PREX2: variants seen among roughly 807,000 people sequenced by gnomAD.
PREX2 encodes phosphatidylinositol-3,4,5-trisphosphate dependent Rac exchange factor 2.
In PREX2, 107 loss-of-function variants were observed where a neutral mutation model predicts 203.2. The observed-to-expected ratio is 0.53, with a 90% CI of 0.45 to 0.62. The LOEUF (loss-of-function observed/expected upper bound fraction) is 0.62. PREX2 is among the 20% of genes least tolerant of loss of function. The pLI is 0.00. For synonymous variants in PREX2, 672 were observed against 663.6 expected (o/e 1.01, Z -0.19); for missense variants, 1,777 against 1,955.9 (o/e 0.91, Z 1.72).
intron 1 of PREX2, among the ~76,000 whole-genome samples, chr8:67,970,897 G>A (rs1805907366): frequency 6.6e-6 from 1 of 152,140 alleles, no homozygotes; most frequent in Non-Finnish European, 1.5e-5. Flanking sequence ...TTTACCCAAT[G>A]CAAACAGATT....
chr8:68,061,200 G>A (rs949040596), intron 11 of PREX2, among the ~76,000 whole-genome samples: 5 of 152,204 alleles, frequency 3.3e-5, no homozygotes, highest in Admixed American at 2.6e-4. Context: ...ACGGTGGCGG[G>A]TGAGTTTGTG....
At chr8:67,989,512 A>G (rs1427074044) in intron 1 of PREX2, among the ~76,000 whole-genome samples, 1 of 152,186 alleles carries the variant, frequency 6.6e-6, no homozygotes, top group Admixed American at 6.5e-5. Flanking sequence ...CTATAATTTG[A>G]TAAGTATTTG....
intron 31 of PREX2, among the ~76,000 whole-genome samples, chr8:68,133,134 G>T (rs1811040864): frequency 6.6e-6 from 1 of 152,176 alleles, no homozygotes; most frequent in Non-Finnish European, 1.5e-5. Context: ...TTACATGGCG[G>T]CAGGCAAGAG....
intron 31 of PREX2, among the ~76,000 whole-genome samples, chr8:68,133,284 C>T (rs1447265921): frequency 1.3e-5 from 2 of 152,176 alleles, no homozygotes; most frequent in African/African-American, 2.4e-5. Flanking sequence ...CGCCCGGTCT[C>T]TTCCTCAACA....
intron 34 of PREX2, among the ~76,000 whole-genome samples, chr8:68,153,750 CT>C (rs1811489051): frequency 6.6e-6 from 1 of 152,072 alleles, no homozygotes; most frequent in Admixed American, 6.5e-5. Context: ...TAAAACTCAT[CT>C]TTTTTTGTTC....
intron 11 of PREX2, 95 bp downstream of exon 11, chr8:68,060,874 A>G (rs1190281307): frequency 5.1e-6 from 4 of 788,292 alleles, no homozygotes; most frequent in Non-Finnish European, 8.1e-6. Flanking sequence ...TCCCCACATT[A>G]TAGGATGCTT....
rs201026235 is a variant in PREX2, at chr8:68,097,212, T to G, written c.2553+11T>G. The G allele has an allele frequency of 1.9e-6, 3 of 1,588,142 alleles. No homozygotes were observed. Among genetic ancestry groups the G allele is most frequent in the Non-Finnish European group, 2.6e-6 (3 of 1,165,956 alleles). ...AGCTTAACTGCCAAGGTAGGAGCGA[T>G]GCTGAAGAAATAAGATTTTTTGTTC... On this transcript the variant is annotated intron_variant, in intron 22 of 39. Transcript: ENST00000288368.
Position 68,080,780 on chromosome 8 carries a change from T to C in PREX2, c.1820T>C (p.Leu607Ser). ...AATGAAGGCAGCTATGGCTTTGGAT[T>C]AGAAGACAAAAATAAAGTTCCAATA... ...KSNEGSYGFGLEDKNKVPIIK... is the reference protein window; with the variant it reads ...KSNEGSYGFGSEDKNKVPIIK... The change falls in exon 17 of 40, where the codon TTA becomes TCA. Residue 607 changes from leucine (L) to serine (S), a missense_variant. Transcript: ENST00000288368. The C allele has an allele frequency of 1.3e-6, 2 of 1,566,306 alleles. No homozygotes were observed. Among genetic ancestry groups the C allele is most frequent in the Non-Finnish European group, 1.8e-6 (2 of 1,141,090 alleles).
In PREX2 at chr8:68,030,585, T is replaced by C. The variant is rs760123806; in HGVS notation, c.632T>C (p.Ile211Thr). 5.6e-6 allele frequency: 9 copies of C among 1,613,586 alleles called. No individual in the cohort carries two copies. The highest frequency in any genetic ancestry group is 2.2e-5 in the East Asian group (1 of 44,854). The change falls in exon 6 of 40, where the codon ATA becomes ACA. Residue 211 changes from isoleucine (I) to threonine (T), a missense_variant. Physicochemically the swap from Ile to Thr is moderately conservative, Grantham distance 89. Coordinates refer to ENST00000288368, the MANE Select transcript of PREX2 (RefSeq NM_024870.4). ...LQAMKAVCSN[I>T]NEAKRQMEKL... ...GCCATGAAAGCTGTCTGTTCCAACA[T>C]AAACGAGGCCAAGAGACAGATGGAG...
intron 30 of PREX2, among the ~76,000 whole-genome samples, chr8:68,126,902 A>G (rs1428810930): frequency 6.6e-6 from 1 of 151,116 alleles, no homozygotes; most frequent in Non-Finnish European, 1.5e-5. Flanking sequence ...ATATATACAT[A>G]TATACGTGTG....
rs146486437 is a variant in PREX2 at position 68,090,711 on chromosome 8, C to T, written c.2246C>T (p.Thr749Met). Residue 749 changes from threonine to methionine, a missense_variant, in exon 20 of 40, where the codon ACG (threonine) becomes ATG (methionine). Transcript: ENST00000288368. ...VTACRKYRRP[T>M]KQDSIQWVYN... The stretch of plus-strand genomic sequence containing the variant: ...GCCTGCAGGAAGTACAGGCGGCCAA[C>T]GAAGGTAAGTGGCCCTTCAGATAAT... The T allele has an allele frequency of 2.4e-5, 39 of 1,612,876 alleles. No homozygotes were observed. In the African/African-American group the frequency reaches 2.8e-4, roughly 12 times the overall value.
chr8:68,072,735 T>G (rs1809234791), intron 14 of PREX2, among the ~76,000 whole-genome samples, 165 bp downstream of exon 14: 1 of 152,192 alleles, frequency 6.6e-6, no homozygotes, highest in Non-Finnish European at 1.5e-5. Flanking sequence ...GATGATCAAT[T>G]TTAGAGTCCT....
intron 4 of PREX2, among the ~76,000 whole-genome samples, chr8:68,022,603 TA>T (rs1563504651): frequency 6.6e-6 from 1 of 152,210 alleles, no homozygotes; most frequent in Non-Finnish European, 1.5e-5. Context: ...TTAATTTCTT[TA>T]GGTTAGCAGA....
At chr8:68,131,434 T>A (rs1372165276) in intron 31 of PREX2, among the ~76,000 whole-genome samples, 1 of 152,240 alleles carries the variant, frequency 6.6e-6, no homozygotes, top group Non-Finnish European at 1.5e-5. Context: ...TCAATATGGC[T>A]GAGGCCCCAG....
chr8:67,974,917 T>G (rs1806031278), intron 1 of PREX2, among the ~76,000 whole-genome samples: 1 of 152,190 alleles, frequency 6.6e-6, no homozygotes, highest in African/African-American at 2.4e-5. Flanking sequence ...AGTTTTTGTG[T>G]GCACATCCAG....
intron 14 of PREX2, among the ~76,000 whole-genome samples, chr8:68,077,185 T>C (rs1809375794): frequency 6.6e-6 from 1 of 152,258 alleles, no homozygotes; most frequent in Non-Finnish European, 1.5e-5. Context: ...TCAAGAAATA[T>C]TAAATCTTTG....
chr8:68,230,513 A>G (rs1813147885), intron 39 of PREX2, among the ~76,000 whole-genome samples: 1 of 152,192 alleles, frequency 6.6e-6, no homozygotes, highest in African/African-American at 2.4e-5. Flanking sequence ...TATGGCCTTG[A>G]GATCACTAGG....
intron 24 of PREX2, among the ~76,000 whole-genome samples, chr8:68,108,684 G>C (rs1810469785): frequency 6.6e-6 from 1 of 152,152 alleles, no homozygotes; most frequent in Admixed American, 6.5e-5. Context: ...GTGCCATTCT[G>C]TACCATCACA....
intron 35 of PREX2, among the ~76,000 whole-genome samples, chr8:68,168,195 A>G (rs1184625738): frequency 2.0e-5 from 3 of 152,200 alleles, no homozygotes; most frequent in Non-Finnish European, 4.4e-5. Context: ...GGTATCACCC[A>G]TTGTGTTTAT....
Sources: allele counts gnomAD v4.1 joint callset (sites outside exome capture counted in the v4.1 genomes callset), GRCh38; gene constraint gnomAD v4.1.1; transcripts MANE v1.5; gene names NCBI Gene and HGNC (gene_info 2026-07-23, HGNC 2026-07-21).